The following CHGA variants were observed in gnomAD, a reference collection of about 807,000 sequenced individuals.
CHGA encodes the protein chromogranin A.
Under a neutral mutation model 54.4 loss-of-function variants are expected in CHGA, and 41 were observed. That is an observed-to-expected ratio of 0.75 (90% CI 0.59 to 0.98). The LOEUF (loss-of-function observed/expected upper bound fraction) is 0.98. CHGA is among the 50% of genes least tolerant of loss of function. The probability of loss-of-function intolerance (pLI) is 0.00; values close to 1 mark genes in which losing one functional copy is unlikely to be tolerated. For synonymous variants in CHGA, 249 were observed against 232.8 expected (o/e 1.07, Z -0.63); for missense variants, 576 against 582.3 (o/e 0.99, Z 0.11).
chr14:92,931,196 G>C (rs1322379562), intron 5 of CHGA, 54 bp from the exon 6 acceptor site: 1 of 1,490,898 alleles, frequency 6.7e-7, no homozygotes, highest in Non-Finnish European at 9.1e-7. Context: ...CTGTGGGGAG[G>C]CCCCACACGT....
Position 92,923,346 on chromosome 14 carries a change from C to A in CHGA, c.-14C>A, listed in dbSNP as rs1886820746. 5.0e-5 allele frequency: 66 copies of A among 1,320,242 alleles called. No homozygotes were observed. The highest frequency in any genetic ancestry group is 6.4e-5 in the Non-Finnish European group (66 of 1,037,932). 81.8% of individuals were successfully genotyped at this position (1,320,242 alleles called of 1,614,324 possible). A position where few individuals can be genotyped will look rare whatever the true frequency, so the allele number is the denominator to read the frequency against. On this transcript the variant is annotated 5_prime_UTR_variant, in exon 1 of 8. Coordinates refer to ENST00000216492, the MANE Select transcript of CHGA (RefSeq NM_001275.4). ...CGGCCCCACACCGCCAGCTGCTCGG[C>A]GCCCGGGTCCGCCATGCGCTCCGCC...
chr14:92,928,011 C>T (rs1886920420), intron 4 of CHGA, among the ~76,000 whole-genome samples: 1 of 152,248 alleles, frequency 6.6e-6, no homozygotes, highest in Non-Finnish European at 1.5e-5. Flanking sequence ...CCACAGTTAG[C>T]CTCTATGCCC....
chr14:92,927,702 C>A, intron 4 of CHGA, 84 bp downstream of exon 4: 1 of 1,053,198 alleles, frequency 9.5e-7, no homozygotes, highest in Non-Finnish European at 1.4e-6. Flanking sequence ...CAGCAAGTTC[C>A]TCTCTGGGAC....
intron 1 of CHGA, 104 bp downstream of exon 1, chr14:92,923,509 G>C (rs1053607820): frequency 1.9e-6 from 2 of 1,072,164 alleles, no homozygotes; most frequent in African/African-American, 1.6e-5. Context: ...ACTTCCCTTC[G>C]GGCGCGGCGA....
intron 1 of CHGA, among the ~76,000 whole-genome samples, chr14:92,923,710 G>A (rs1285744560): frequency 1.3e-5 from 2 of 152,212 alleles, no homozygotes; most frequent in Non-Finnish European, 2.9e-5. Flanking sequence ...GGCCGGCCAA[G>A]GTCACTGCGG....
Position 92,923,273 on chromosome 14 carries a change from C to G in CHGA, c.-87C>G, listed in dbSNP as rs902434407. On this transcript the variant is annotated 5_prime_UTR_variant, in exon 1 of 8. Transcript: ENST00000216492. The stretch of plus-strand genomic sequence containing the variant: ...GCCCCGCGCCGGTGCCACCGCAGCC[C>G]GACCCCGGCCGCCAGTCCAGCCGCC... 8.4e-7 allele frequency: 1 copy of G among 1,196,898 alleles called. No individual in the cohort carries two copies. Among genetic ancestry groups the G allele is most frequent in the Non-Finnish European group, 1.0e-6 (1 of 957,070 alleles). 74.1% of individuals were successfully genotyped at this position (1,196,898 alleles called of 1,614,324 possible).
rs1886857408 is a variant in CHGA, at chr14:92,924,907, C to T, written c.93+662C>T. Among the ~76,000 whole-genome samples the T allele has an allele frequency of 2.0e-5, 3 of 152,298 alleles. No individual in the cohort carries two copies. In the Middle Eastern group the frequency reaches 0.01, roughly 518 times the overall value. On this transcript the variant is annotated intron_variant, in intron 2 of 7. Transcript: ENST00000216492. ...GAGCTGGGGCTGTTTTTTCCAGGCTCTAGTGCTCATCCAAATCTCTGACTT... is the reference window on the plus strand; with the variant it reads ...GAGCTGGGGCTGTTTTTTCCAGGCTTTAGTGCTCATCCAAATCTCTGACTT...
rs1405629100 is a variant in CHGA at position 92,931,263 on chromosome 14, G to A, written c.369G>A (p.Glu123=). 1.9e-6 allele frequency: 3 copies of A among 1,610,378 alleles called. No individual in the cohort carries two copies. The highest frequency in any genetic ancestry group is 2.5e-6 in the Non-Finnish European group (3 of 1,177,458). The change falls in exon 6 of 8, where the codon GAG becomes GAA. Residue 123 remains glutamate (E), a synonymous_variant. Coordinates refer to ENST00000216492, the MANE Select transcript of CHGA (RefSeq NM_001275.4). The part of the protein sequence containing the change: ...SQAELKEAVE[E]PSSKDVMEKR... ...CTGTGTCTGCAGAGGCGGTGGAAGAGCCATCATCCAAGGATGTTATGGAGA... is the reference window on the plus strand; with the variant it reads ...CTGTGTCTGCAGAGGCGGTGGAAGAACCATCATCCAAGGATGTTATGGAGA...
In CHGA at chr14:92,934,782, A is replaced by T; in HGVS notation, c.1291-19A>T. The T allele has an allele frequency of 6.4e-6, 10 of 1,564,832 alleles. No homozygotes were observed. The highest frequency in any genetic ancestry group is 2.4e-5 in the South Asian group (2 of 84,394). ...CCACTGGCCAGGCTGGCCCGAGTGA[A>T]CCCCAATGTCTCTCCTAGGACCAGG... On this transcript the variant is annotated intron_variant, in intron 7 of 7. Coordinates refer to ENST00000216492, the MANE Select transcript of CHGA (RefSeq NM_001275.4).
At chr14:92,928,845 T>C (rs1886939403) in intron 4 of CHGA, among the ~76,000 whole-genome samples, 1 of 152,236 alleles carries the variant, frequency 6.6e-6, no homozygotes. Context: ...TGGGCTCCCA[T>C]AACATCTTCT....
chr14:92,934,137 G>T (rs1040333754), intron 7 of CHGA, among the ~76,000 whole-genome samples: 1 of 152,210 alleles, frequency 6.6e-6, no homozygotes, highest in Admixed American at 6.5e-5. Context: ...CCTTCCCTGC[G>T]CTCCTGCTCT....
chr14:92,934,040 C>T (rs1286851289), intron 7 of CHGA, among the ~76,000 whole-genome samples: 2 of 152,076 alleles, frequency 1.3e-5, no homozygotes, highest in Non-Finnish European at 2.9e-5. Context: ...CCTGCAATGT[C>T]GGGGTCCCTG....
At position 92,932,908 on chromosome 14, in the gene CHGA, C is replaced by T. The variant is rs541056402; in HGVS notation, c.1290+57C>T. 1.1e-5 allele frequency: 16 copies of T among 1,448,650 alleles called. No homozygotes were observed. In the Admixed American group the frequency reaches 1.7e-4, roughly 15 times the overall value. The allele number at this position is 1,448,650 out of a possible 1,614,324, so 89.7% of individuals were successfully genotyped here. A position where few individuals can be genotyped will look rare whatever the true frequency, so the allele number is the denominator to read the frequency against. On this transcript the variant is annotated intron_variant, in intron 7 of 7. Transcript: ENST00000216492. The surrounding 1 kb of genome is among the most constrained non-coding windows in gnomAD (Gnocchi z 5.3). ...AGGCCACGGAGCAGCAGGGGGCAGC[C>T]GCACCCAGACACACTGCCCCTGCCC... is the stretch of plus-strand genomic sequence containing the variant.
intron 6 of CHGA, 75 bp downstream of exon 6, chr14:92,931,777 ACCT>A: frequency 7.4e-7 from 1 of 1,360,430 alleles, no homozygotes; most frequent in Non-Finnish European, 1.0e-6. Context: ...CTTCTCCATA[ACCT>A]CATTCCACCT....
chr14:92,923,508 C>A (rs1449883895), intron 1 of CHGA, 103 bp downstream of exon 1: 5 of 1,069,882 alleles, frequency 4.7e-6, no homozygotes, highest in South Asian at 4.6e-5. Flanking sequence ...CACTTCCCTT[C>A]GGGCGCGGCG....
rs1886988745 is a variant in CHGA, at chr14:92,931,308, G to A, written c.414G>A (p.Glu138=). 1.2e-6 allele frequency: 2 copies of A among 1,613,624 alleles called. No homozygotes were observed. Among genetic ancestry groups the A allele is most frequent in the Non-Finnish European group, 8.5e-7 (1 of 1,179,988 alleles). Residue 138 remains glutamate (E), a synonymous_variant, in exon 6 of 8, where the codon GAG becomes GAA. Coordinates refer to ENST00000216492, the MANE Select transcript of CHGA (RefSeq NM_001275.4). The part of the protein sequence containing the change: ...DVMEKREDSK[E]AEKSGEATDG... ...TGGAGAAAAGAGAGGATTCCAAGGAGGCAGAGAAAAGTGGTGAAGCCACAG... is the reference window on the plus strand; with the variant it reads ...TGGAGAAAAGAGAGGATTCCAAGGAAGCAGAGAAAAGTGGTGAAGCCACAG...
rs1377109074 is a variant in CHGA, at chr14:92,932,220, G to A, written c.809-150G>A. 1 of 1,121,332 alleles carries A rather than the reference G, an allele frequency of 8.9e-7. No homozygotes were observed. Among genetic ancestry groups the A allele is most frequent in the South Asian group, 1.7e-5 (1 of 59,436 alleles). 69.5% of individuals were successfully genotyped at this position (1,121,332 alleles called of 1,614,324 possible). A position where few individuals can be genotyped will look rare whatever the true frequency, so the allele number is the denominator to read the frequency against. On this transcript the variant is annotated intron_variant, in intron 6 of 7. Coordinates refer to ENST00000216492, the MANE Select transcript of CHGA (RefSeq NM_001275.4). This position sits in a 1 kb window ranked among gnomAD's most constrained non-coding sequence, Gnocchi z 5.3. ...CTCTGAGCCGAGAGGGTCTTGCAAA[G>A]CCTGGCATCAAGAAGGTTTTTCCCG...
intron 6 of CHGA, 41 bp downstream of exon 6, chr14:92,931,743 G>A (rs1887004037): frequency 1.3e-6 from 2 of 1,522,164 alleles, no homozygotes; most frequent in South Asian, 2.6e-5. Flanking sequence ...GTGTCTGGGA[G>A]AGGGGGATGG....
chr14:92,931,098 GACATGGACAGAGGGGTA>G, intron 5 of CHGA, 135 bp from the exon 6 acceptor site: 2 of 692,110 alleles, frequency 2.9e-6, no homozygotes. Flanking sequence ...ATCAAGCCTG[GACATGGACAGAGGGGTA>G]ACCCTAATCG....
Sources: allele counts gnomAD v4.1 joint callset (sites outside exome capture counted in the v4.1 genomes callset), GRCh38; gene constraint gnomAD v4.1.1; non-coding constraint Gnocchi (gnomAD v3.1); transcripts MANE v1.5; gene names NCBI Gene and HGNC (gene_info 2026-07-23, HGNC 2026-07-21).